Variants in MGAT5 observed in about 807,000 individuals in gnomAD.
The protein encoded by MGAT5 is alpha-1,6-mannosylglycoprotein 6-beta-N-acetylglucosaminyltransferase A.
Under a neutral mutation model 94.3 loss-of-function variants are expected in MGAT5, and 30 were observed. The ratio of observed to expected loss-of-function variants is 0.32; its 90% confidence interval spans 0.24 to 0.43. The LOEUF (loss-of-function observed/expected upper bound fraction) is 0.43. MGAT5 is among the 20% of genes least tolerant of loss of function. The pLI is 1.00. For synonymous variants in MGAT5, 310 were observed against 322.9 expected (o/e 0.96, Z 0.43); for missense variants, 691 against 905.5 (o/e 0.76, Z 3.04).
intron 10 of MGAT5, among the ~76,000 whole-genome samples, chr2:134,363,841 G>A (rs1012736168): frequency 2.6e-5 from 4 of 152,192 alleles, no homozygotes; most frequent in African/African-American, 9.6e-5. Context: ...AATGTGTCCT[G>A]TGTTGATAGT....
chr2:134,148,725 CTGT>C lies in MGAT5; in HGVS notation c.-143+28439_-143+28441del, dbSNP rs1331096317. ...TATCGTAGAGAACTTTCTGAGCTAG[CTGT>C]TGTTCCTTGAAATTAAGTTCTCTTT... On this transcript the variant is annotated intron_variant, in intron 1 of 16. Transcript: ENST00000409645. Among the ~76,000 whole-genome samples the C allele has an allele frequency of 2.0e-5, 3 of 148,664 alleles. No individual in the cohort carries two copies. The East Asian group carries it at 6.0e-4, about 30-fold the overall frequency.
chr2:134,307,498 G>A (rs1686399186), intron 2 of MGAT5, among the ~76,000 whole-genome samples: 2 of 151,842 alleles, frequency 1.3e-5, no homozygotes, highest in African/African-American at 2.4e-5. Flanking sequence ...CCATTGTACT[G>A]AAACTCCGCA....
intron 14 of MGAT5, among the ~76,000 whole-genome samples, chr2:134,441,291 G>A (rs1185790396): frequency 2.0e-5 from 3 of 152,070 alleles, no homozygotes; most frequent in Admixed American, 6.5e-5. Context: ...AAACAGTGTC[G>A]TATTAGGTAA....
Position 134,317,558 on chromosome 2 carries a change from G to A in MGAT5, c.436G>A (p.Val146Ile). ...DIINGAQEKCVLPPMDGYPHC... is the reference protein window; with the variant it reads ...DIINGAQEKCILPPMDGYPHC... ...CATTAACGGAGCTCAAGAAAAATGT[G>A]TATTGCCTCCTATGGACGGCTACCC... Residue 146 changes from valine to isoleucine, a missense_variant, in exon 3 of 16, where the codon GTA becomes ATA. By Grantham distance (29) the Val-to-Ile change is conservative. Transcript: ENST00000281923. The A allele has an allele frequency of 6.4e-7, 1 of 1,569,956 alleles. No individual in the cohort carries two copies. Among genetic ancestry groups the A allele is most frequent in the South Asian group, 1.2e-5 (1 of 84,290 alleles).
intron 1 of MGAT5, among the ~76,000 whole-genome samples, chr2:134,175,301 C>T (rs768065688): frequency 1.1e-3 from 165 of 152,332 alleles, no homozygotes; most frequent in South Asian, 2.3e-3. Context: ...CCTCCATATT[C>T]CCTGCCTTTC....
chr2:134,391,622 G>A (rs1682417227), intron 10 of MGAT5, among the ~76,000 whole-genome samples: 1 of 152,126 alleles, frequency 6.6e-6, no homozygotes, highest in Non-Finnish European at 1.5e-5. Context: ...TCACCCTTGT[G>A]ACCTCTTTAC....
chr2:134,174,184 T>C (rs543272097), intron 1 of MGAT5, among the ~76,000 whole-genome samples: 10 of 152,376 alleles, frequency 6.6e-5, no homozygotes, highest in Non-Finnish European at 7.3e-5. Flanking sequence ...GTGGATCTTG[T>C]GTCTGGTCAT....
chr2:134,281,542 C>T (rs1684696494), intron 2 of MGAT5, among the ~76,000 whole-genome samples: 1 of 152,150 alleles, frequency 6.6e-6, no homozygotes, highest in Non-Finnish European at 1.5e-5. Flanking sequence ...TTAGAAATGA[C>T]CTTCAAACAC....
intron 1 of MGAT5, among the ~76,000 whole-genome samples, chr2:134,131,652 A>G (rs1381216396): frequency 1.5e-5 from 2 of 132,130 alleles, no homozygotes; most frequent in African/African-American, 2.9e-5. Flanking sequence ...TCCACTATCC[A>G]CACTCTTTGC....
At chr2:134,217,668 G>A (rs1313187563) in intron 1 of MGAT5, among the ~76,000 whole-genome samples, 2 of 152,124 alleles carry the variant, frequency 1.3e-5, no homozygotes, top group Non-Finnish European at 2.9e-5. Flanking sequence ...TTGTTACCTG[G>A]GCTTTTTCAT....
intron 4 of MGAT5, among the ~76,000 whole-genome samples, chr2:134,333,754 G>T (rs1223495334): frequency 6.6e-6 from 1 of 152,116 alleles, no homozygotes; most frequent in Non-Finnish European, 1.5e-5. Context: ...GATTTTCCTT[G>T]AATGTTATTA....
intron 1 of MGAT5, among the ~76,000 whole-genome samples, chr2:134,127,461 C>T (rs1426304889): frequency 1.3e-5 from 2 of 151,490 alleles, no homozygotes; most frequent in African/African-American, 4.9e-5. Context: ...CTTTGCAATT[C>T]TTATGTCCAG....
At chr2:134,342,078 G>C (rs1236847334) in intron 7 of MGAT5, among the ~76,000 whole-genome samples, 1 of 152,108 alleles carries the variant, frequency 6.6e-6, no homozygotes, top group Non-Finnish European at 1.5e-5. Flanking sequence ...CTAATTCCCT[G>C]TCTCTTGCTG....
intron 1 of MGAT5, among the ~76,000 whole-genome samples, chr2:134,163,725 G>GCTCT (rs1462066989): frequency 6.6e-6 from 1 of 152,152 alleles, no homozygotes; most frequent in Non-Finnish European, 1.5e-5. Flanking sequence ...TCTTGTCTTA[G>GCTCT]CTCTACACAG....
chr2:134,179,819 A>C lies in MGAT5; in HGVS notation c.-143+59528A>C, dbSNP rs1205738679. On this transcript the variant is annotated intron_variant, in intron 1 of 16. Coordinates refer to the MGAT5 transcript ENST00000409645. Reference sequence around the variant, plus strand: ...GGGCTGCATTTCCAGGAGGCAGGGCATTCTTAGTTCACAGGATGAGGTAGG... The same window carrying C: ...GGGCTGCATTTCCAGGAGGCAGGGCCTTCTTAGTTCACAGGATGAGGTAGG... 2.0e-5 allele frequency among the ~76,000 whole-genome samples: 3 copies of C among 152,220 alleles called. No individual in the cohort carries two copies. In the East Asian group the frequency reaches 5.8e-4, roughly 29 times the overall value.
chr2:134,234,625 T>A (rs1681539229), intron 1 of MGAT5, among the ~76,000 whole-genome samples: 1 of 152,228 alleles, frequency 6.6e-6, no homozygotes, highest in Admixed American at 6.5e-5. Context: ...TCTCACCAGG[T>A]GCTTTTAAAT....
At chr2:134,348,659 G>A (rs1263855036) in intron 8 of MGAT5, among the ~76,000 whole-genome samples, 1 of 152,064 alleles carries the variant, frequency 6.6e-6, no homozygotes, top group Non-Finnish European at 1.5e-5. Context: ...TCTAAAATGT[G>A]GGTTTCAATC....
At chr2:134,406,595 A>C (rs1444373502) in intron 11 of MGAT5, among the ~76,000 whole-genome samples, 2 of 152,164 alleles carry the variant, frequency 1.3e-5, no homozygotes, top group Non-Finnish European at 2.9e-5. Context: ...AAACCTGTCT[A>C]AGGCAGGTGC....
At chr2:134,403,184 G>A (rs3748900) in intron 11 of MGAT5, 47 bp downstream of exon 11, 496,780 of 1,530,786 alleles carry the variant, frequency 0.32, 82,969 homozygotes, top group East Asian at 0.46. Flanking sequence ...GCCATTGGCT[G>A]TGAAAATGGG....
Sources: allele counts gnomAD v4.1 joint callset (sites outside exome capture counted in the v4.1 genomes callset), GRCh38; gene constraint gnomAD v4.1.1; transcripts MANE v1.5; gene names NCBI Gene and HGNC (gene_info 2026-07-23, HGNC 2026-07-21).